Variants in GPR107 observed in about 807,000 individuals in gnomAD.
GPR107 encodes G protein-coupled receptor 107, also known as protein GPR107.
In GPR107, 31 loss-of-function variants were observed where a neutral mutation model predicts 75.5. The ratio of observed to expected loss-of-function variants is 0.41; its 90% CI spans 0.31 to 0.55. The LOEUF (loss-of-function observed/expected upper bound fraction) is 0.55, where lower values mean the gene tolerates loss of function less well. Among genes scored for constraint, GPR107 ranks in the 20% least tolerant of loss-of-function variants. GPR107 has a pLI of 0.26. For synonymous variants in GPR107, 267 were observed against 251.3 expected (o/e 1.06, Z -0.59); for missense variants, 572 against 665.7 (o/e 0.86, Z 1.55).
At chr9:130,100,770 C>A in intron 11 of GPR107, 68 bp downstream of exon 11, 2 of 1,174,200 alleles carry the variant, frequency 1.7e-6, no homozygotes, top group Admixed American at 1.7e-5. Context: ...TGGGCAACAA[C>A]CTGCCCCAAG....
In GPR107 at chr9:130,071,328, C is replaced by T. The variant is rs563048072; in HGVS notation, c.142-4308C>T. Among the ~76,000 whole-genome samples, 11 of 150,488 alleles carry T rather than the reference C, an allele frequency of 7.3e-5. No individual in the cohort carries two copies. The East Asian group carries it at 1.4e-3, about 19-fold the overall frequency. ...AGGCGAGAGCCACCTCGCCTGGCCCCTCACCCTTTTTTTTTCTATCAAATG... is the reference window on the plus strand; with the variant it reads ...AGGCGAGAGCCACCTCGCCTGGCCCTTCACCCTTTTTTTTTCTATCAAATG... On this transcript the variant is annotated intron_variant, in intron 1 of 17. Transcript: ENST00000347136.
chr9:130,107,612 T>C (rs1831191433), intron 14 of GPR107, 73 bp downstream of exon 14: 1 of 962,150 alleles, frequency 1.0e-6, no homozygotes, highest in Non-Finnish European at 1.7e-6. Flanking sequence ...TGCGGAGGAG[T>C]GGAGGCAGCC....
At chr9:130,080,314 G>A (rs561344099) in intron 5 of GPR107, among the ~76,000 whole-genome samples, 50 of 152,160 alleles carry the variant, frequency 3.3e-4, no homozygotes, top group Non-Finnish European at 6.0e-4. Context: ...GAATATTGAT[G>A]TATATTTTTA....
chr9:130,076,893 GT>G (rs910446712), intron 3 of GPR107, among the ~76,000 whole-genome samples: 9 of 145,724 alleles, frequency 6.2e-5, no homozygotes, highest in Admixed American at 2.0e-4. Flanking sequence ...TTTGTTTTTT[GT>G]TTTTTTTTTT....
intron 14 of GPR107, among the ~76,000 whole-genome samples, chr9:130,118,649 C>T (rs955981600): frequency 2.6e-5 from 4 of 151,928 alleles, no homozygotes; most frequent in African/African-American, 9.7e-5. Context: ...ACATGACACC[C>T]TCCCCAACCC....
intron 16 of GPR107, 25 bp from the exon 17 acceptor site, chr9:130,128,615 T>C (rs199914486): frequency 2.8e-4 from 443 of 1,595,858 alleles, no homozygotes; most frequent in Non-Finnish European, 3.6e-4. Context: ...ATCTCTTTAT[T>C]TTGGGGTGGT....
chr9:130,124,052 C>T (rs1227293349), intron 14 of GPR107, among the ~76,000 whole-genome samples: 1 of 152,148 alleles, frequency 6.6e-6, no homozygotes, highest in Non-Finnish European at 1.5e-5. Flanking sequence ...TTTAGGATTA[C>T]AGGAATTTCT....
At chr9:130,124,279 A>G (rs527626836) in intron 14 of GPR107, among the ~76,000 whole-genome samples, 1 of 152,194 alleles carries the variant, frequency 6.6e-6, no homozygotes, top group African/African-American at 2.4e-5. Flanking sequence ...GCTTCCCTCT[A>G]CTCATCAATA....
At chr9:130,114,029 C>CTTTTTTTTTTT (rs60616601) in intron 14 of GPR107, among the ~76,000 whole-genome samples, 18 of 90,652 alleles carry the variant, frequency 2.0e-4, no homozygotes, top group African/African-American at 2.7e-4. Context: ...TCTTCTCATT[C>CTTTTTTTTTTT]TTTTTTTTTT....
chr9:130,132,442 T>C (rs7869203), intron 17 of GPR107, among the ~76,000 whole-genome samples: 150,068 of 152,294 alleles, frequency 0.99, 73,946 homozygotes, highest in East Asian at 1. Context: ...GTGTCCACCC[T>C]GGTTCTCTCC....
At chr9:130,102,187 C>T (rs1224565880) in intron 12 of GPR107, among the ~76,000 whole-genome samples, 2 of 33,104 alleles carry the variant, frequency 6.0e-5, no homozygotes, top group African/African-American at 2.2e-4. Context: ...GCAGTAAATA[C>T]ACATGACCCT....
chr9:130,116,821 G>A (rs958039694), intron 14 of GPR107, among the ~76,000 whole-genome samples: 1 of 152,088 alleles, frequency 6.6e-6, no homozygotes, highest in African/African-American at 2.4e-5. Context: ...TGCTGCTTTT[G>A]TTGATGCTTT....
intron 6 of GPR107, among the ~76,000 whole-genome samples, chr9:130,083,995 G>A (rs866152240): frequency 6.8e-6 from 1 of 147,168 alleles, no homozygotes; most frequent in Non-Finnish European, 1.5e-5. Flanking sequence ...AATATTTTTG[G>A]TTGGCAGTTG....
intron 15 of GPR107, 21 bp downstream of exon 15, chr9:130,124,985 TCCTC>T: frequency 1.0e-6 from 1 of 964,636 alleles, no homozygotes; most frequent in Admixed American, 2.5e-5. Flanking sequence ...AAAAAAAAAA[TCCTC>T]AATCTATAAA....
At chr9:130,084,375 G>C (rs1306389725) in intron 6 of GPR107, among the ~76,000 whole-genome samples, 2 of 150,256 alleles carry the variant, frequency 1.3e-5, no homozygotes, top group Non-Finnish European at 3.0e-5. Flanking sequence ...TCCAGCCTGG[G>C]TGACAGAGTG....
chr9:130,076,731 T>G (rs538008831), intron 3 of GPR107, among the ~76,000 whole-genome samples: 3 of 151,998 alleles, frequency 2.0e-5, no homozygotes, highest in Admixed American at 2.0e-4. Flanking sequence ...TGGCCATGTC[T>G]CAAACTCCTG....
chr9:130,111,402 C>A (rs1646409245), intron 14 of GPR107, among the ~76,000 whole-genome samples: 1 of 151,994 alleles, frequency 6.6e-6, no homozygotes, highest in African/African-American at 2.4e-5. Flanking sequence ...CTTGATGGCA[C>A]ACGCCTGTAG....
At chr9:130,102,957 ATT>A (rs10707248) in intron 12 of GPR107, among the ~76,000 whole-genome samples, 3,047 of 149,530 alleles carry the variant, frequency 0.02, 50 homozygotes, top group Middle Eastern at 0.034. Flanking sequence ...CTAATTTTTA[ATT>A]TTTTTTTTTT....
At chr9:130,125,838 A>G (rs987103898) in intron 15 of GPR107, among the ~76,000 whole-genome samples, 2 of 152,084 alleles carry the variant, frequency 1.3e-5, no homozygotes, top group African/African-American at 4.8e-5. Context: ...TCACGAGGTC[A>G]GGAGATCGAG....
Sources: allele counts gnomAD v4.1 joint callset (sites outside exome capture counted in the v4.1 genomes callset), GRCh38; gene constraint gnomAD v4.1.1; transcripts MANE v1.5; gene names NCBI Gene and HGNC (gene_info 2026-07-23, HGNC 2026-07-21).